The following PKP2 variants were observed in gnomAD, a reference collection of about 807,000 sequenced individuals.
PKP2 encodes plakophilin-2.
Under a neutral mutation model 83.4 loss-of-function variants are expected in PKP2, and 73 were observed. The observed-to-expected ratio is 0.88, with a 90% confidence interval of 0.72 to 1.06. The LOEUF is 1.06. PKP2 is among the 50% of genes least tolerant of loss of function. The probability of loss-of-function intolerance (pLI) is 0.00; values close to 1 mark genes in which losing one functional copy is unlikely to be tolerated. For synonymous variants in PKP2, 409 were observed against 430.4 expected, an observed-to-expected ratio of 0.95 and a Z score of 0.62; for missense variants, 966 against 1,065.4, an observed-to-expected ratio of 0.91 and a Z score of 1.30.
At chr12:32,825,306 C>T (rs549638853) in intron 6 of PKP2, among the ~76,000 whole-genome samples, 5 of 151,492 alleles carry the variant, frequency 3.3e-5, no homozygotes, top group African/African-American at 9.7e-5. Context: ...GTAGCTGGGA[C>T]TACAGGCGTG....
At chr12:32,803,214 T>C (rs1042727477) in intron 9 of PKP2, among the ~76,000 whole-genome samples, 3 of 151,720 alleles carry the variant, frequency 2.0e-5, no homozygotes, top group Non-Finnish European at 4.4e-5. Context: ...TACTAAAAAA[T>C]ACAAAAATAT....
In PKP2 at chr12:32,802,395, C is replaced by T. The variant is rs371564682; in HGVS notation, c.2167+8G>A. 1.1e-5 allele frequency: 18 copies of T among 1,613,184 alleles called. No homozygotes were observed. The highest frequency in any genetic ancestry group is 1.1e-4 in the African/African-American group (8 of 74,848). ...ACATATTACACATAGATACTTATAC[C>T]GACTCACCAATTTCATTCTGCAGAG... On this transcript the variant is annotated splice_region_variant and intron_variant, in intron 10 of 12. Transcript: ENST00000340811.
intron 4 of PKP2, chr12:32,863,026 A>G (rs1033156393): frequency 6.5e-6 from 1 of 152,794 alleles, no homozygotes; most frequent in Non-Finnish European, 1.5e-5. Context: ...GAAATAAAGA[A>G]GTATTCTTGC....
At chr12:32,838,974 C>T (rs1956565764) in intron 6 of PKP2, among the ~76,000 whole-genome samples, 8 of 152,174 alleles carry the variant, frequency 5.3e-5, no homozygotes, top group Admixed American at 5.2e-4. Flanking sequence ...ATTAAGTATT[C>T]AACAGGCAGA....
intron 10 of PKP2, among the ~76,000 whole-genome samples, chr12:32,800,501 G>A (rs956437931): frequency 6.6e-6 from 1 of 152,188 alleles, no homozygotes; most frequent in Non-Finnish European, 1.5e-5. Flanking sequence ...AGAGCTCAGC[G>A]TTCATCTAAA....
intron 9 of PKP2, chr12:32,820,281 A>T (rs1316947666): frequency 6.6e-6 from 1 of 152,200 alleles, no homozygotes; most frequent in African/African-American, 2.4e-5. Context: ...TACAGAGATA[A>T]TTGGAGACTA....
intron 9 of PKP2, among the ~76,000 whole-genome samples, chr12:32,807,521 G>A (rs10844364): frequency 0.68 from 102,888 of 152,014 alleles, 36,054 homozygotes; most frequent in Non-Finnish European, 0.79. Flanking sequence ...CATTTAGCCC[G>A]TTTACATTTA....
rs146102241 is a variant in PKP2, at chr12:32,824,092, C to T, written c.1627G>A (p.Val543Ile). The change falls in exon 7 of 13, where the codon GTC (valine) becomes ATC (isoleucine). Residue 543 changes from valine (V) to isoleucine (I), a missense_variant. By Grantham distance (29) the Val-to-Ile change is conservative. Coordinates refer to ENST00000340811, the MANE Select transcript of PKP2 (RefSeq NM_001005242.3). ...GCAATGGTTCCTCTGACATAATGGACCAGTGAGTCAATGAGTCCGTCACAT... is the reference window on the plus strand; with the variant it reads ...GCAATGGTTCCTCTGACATAATGGATCAGTGAGTCAATGAGTCCGTCACAT... ...RRCDGLIDSL[V>I]HYVRGTIADY... 3.8e-3 allele frequency: 6,051 copies of T among 1,611,974 alleles called. 18 individuals carry two copies. Among genetic ancestry groups the T allele is most frequent in the Non-Finnish European group, 4.4e-3 (5,231 of 1,178,220 alleles).
At chr12:32,822,722 G>A in intron 7 of PKP2, 91 bp from the exon 8 acceptor site, 1 of 1,414,674 alleles carries the variant, frequency 7.1e-7, no homozygotes, top group Non-Finnish European at 9.9e-7. Flanking sequence ...CTCTTACAAG[G>A]TTTACCAGAT....
intron 1 of PKP2, among the ~76,000 whole-genome samples, chr12:32,889,129 AC>A (rs1349091486): frequency 2.6e-5 from 4 of 152,180 alleles, no homozygotes; most frequent in East Asian, 3.8e-4. Context: ...ACACAACTGA[AC>A]TAAGTTAACT....
At chr12:32,804,264 T>C (rs1956205386) in intron 9 of PKP2, among the ~76,000 whole-genome samples, 1 of 152,234 alleles carries the variant, frequency 6.6e-6, no homozygotes, top group African/African-American at 2.4e-5. Context: ...TGCAAAATGT[T>C]GCCTCTAGAG....
At chr12:32,876,655 G>C (rs1390595610) in intron 3 of PKP2, among the ~76,000 whole-genome samples, 2 of 151,980 alleles carry the variant, frequency 1.3e-5, no homozygotes, top group Non-Finnish European at 2.9e-5. Context: ...TCAGCCTCTC[G>C]AGTAGTTAGG....
intron 1 of PKP2, chr12:32,894,697 A>G (rs1957106126): frequency 6.6e-6 from 1 of 152,164 alleles, no homozygotes; most frequent in Non-Finnish European, 1.5e-5. Flanking sequence ...GGCCATTCTC[A>G]GAGGATAAGA....
chr12:32,839,038 G>C (rs1032457115), intron 6 of PKP2, among the ~76,000 whole-genome samples: 1 of 152,204 alleles, frequency 6.6e-6, no homozygotes, highest in East Asian at 1.9e-4. Context: ...TGATATGAAA[G>C]TACTATGACA....
chr12:32,850,721 T>C, intron 5 of PKP2, 45 bp downstream of exon 5: 1 of 1,437,978 alleles, frequency 7.0e-7, no homozygotes, highest in Non-Finnish European at 9.8e-7. Flanking sequence ...GGCATCTGGC[T>C]GGGGTGCAAA....
chr12:32,816,567 T>C (rs943305946), intron 9 of PKP2, among the ~76,000 whole-genome samples: 2 of 152,240 alleles, frequency 1.3e-5, no homozygotes, highest in African/African-American at 2.4e-5. Context: ...ACGTGTCTTC[T>C]TGGTAGAATA....
At chr12:32,882,085 A>G (rs541182102) in intron 1 of PKP2, among the ~76,000 whole-genome samples, 1 of 152,304 alleles carries the variant, frequency 6.6e-6, no homozygotes, top group East Asian at 1.9e-4. Flanking sequence ...CCCACCCCCA[A>G]TAAAACAAGC....
intron 6 of PKP2, among the ~76,000 whole-genome samples, chr12:32,835,582 C>T (rs895996335): frequency 4.6e-5 from 7 of 151,708 alleles, no homozygotes; most frequent in Non-Finnish European, 7.4e-5. Flanking sequence ...GAAAAAAAAG[C>T]AAGAAGAAGA....
chr12:32,833,027 G>C lies in PKP2; in HGVS notation c.1556+8001C>G, dbSNP rs551878949. Among the ~76,000 whole-genome samples the C allele has an allele frequency of 1.8e-3, 278 of 152,264 alleles. 1 individual carries two copies. Among genetic ancestry groups the C allele is most frequent in the African/African-American group, 6.4e-3 (267 of 41,556 alleles). On this transcript the variant is annotated intron_variant, in intron 6 of 12. Transcript: ENST00000340811. ...TTGGGAGGCCAGGCAGGCAGATCAT[G>C]AGGTCAGGAGTTTGAGACCAGCCTG...
Sources: gnomAD v4.1 joint callset for allele counts (sites outside exome capture counted in the v4.1 genomes callset) on GRCh38, gnomAD v4.1.1 for gene constraint, MANE v1.5 for transcripts, NCBI Gene and HGNC (gene_info 2026-07-23, HGNC 2026-07-21) for gene names.